Variants in OR3A2 observed in about 807,000 individuals in gnomAD.
OR3A2 encodes olfactory receptor family 3 subfamily A member 2.
For missense variants in OR3A2, 318 were observed against 392.8 expected, an observed-to-expected ratio of 0.81 and a Z score of 1.61; for synonymous variants, 126 against 159.3, an observed-to-expected ratio of 0.79 and a Z score of 1.57.
At chr17:3,339,756 G>C (rs1398795561) in intron 2 of OR3A2, among the ~76,000 whole-genome samples, 1 of 152,082 alleles carries the variant, frequency 6.6e-6, no homozygotes, top group Non-Finnish European at 1.5e-5. Flanking sequence ...GTCTCTACCA[G>C]GCTTTGGAAT....
chr17:3,366,617 CT>C (rs1326514746), intron 2 of OR3A2, among the ~76,000 whole-genome samples: 3 of 152,194 alleles, frequency 2.0e-5, no homozygotes, highest in African/African-American at 7.2e-5. Flanking sequence ...TACCTTACCC[CT>C]ATTATGGAGA....
chr17:3,320,732 G>C (rs374965128), intron 3 of OR3A2, among the ~76,000 whole-genome samples: 1 of 151,898 alleles, frequency 6.6e-6, no homozygotes, highest in East Asian at 1.9e-4. Flanking sequence ...TGTTCCATTG[G>C]TCTATATCTC....
intron 3 of OR3A2, among the ~76,000 whole-genome samples, chr17:3,332,994 A>G (rs556694959): frequency 1.3e-4 from 20 of 152,308 alleles, no homozygotes; most frequent in African/African-American, 4.3e-4. Context: ...AGACAACCAT[A>G]AGATCTGACT....
chr17:3,309,299 T>C (rs1023819056), intron 3 of OR3A2, among the ~76,000 whole-genome samples: 4 of 152,188 alleles, frequency 2.6e-5, no homozygotes, highest in Admixed American at 1.3e-4. Context: ...TAAAAGACTT[T>C]GGCCCTATCT....
intron 3 of OR3A2, among the ~76,000 whole-genome samples, chr17:3,301,241 GT>G (rs1355281756): frequency 6.6e-6 from 1 of 152,138 alleles, no homozygotes; most frequent in African/African-American, 2.4e-5. Context: ...GGTATTTCTG[GT>G]TCTAGTTCCG....
At chr17:3,287,744 A>C (rs1382324543), upstream of OR3A2, among the ~76,000 whole-genome samples, 1 of 152,130 alleles carries the variant, frequency 6.6e-6, no homozygotes, top group African/African-American at 2.4e-5. Context: ...CGAGGCTTGA[A>C]CTGCAAACTT....
chr17:3,343,798 C>A (rs922463992), intron 2 of OR3A2, among the ~76,000 whole-genome samples: 1 of 152,078 alleles, frequency 6.6e-6, no homozygotes, highest in Non-Finnish European at 1.5e-5. Context: ...TTCATCCAGC[C>A]TCCACCCCTC....
intron 3 of OR3A2, among the ~76,000 whole-genome samples, chr17:3,294,689 A>T (rs937051856): frequency 6.6e-6 from 1 of 152,150 alleles, no homozygotes; most frequent in African/African-American, 2.4e-5. Flanking sequence ...CAAAAAACAG[A>T]CAAACAAACA....
chr17:3,301,176 G>A (rs1329687844), intron 3 of OR3A2, among the ~76,000 whole-genome samples: 1 of 152,130 alleles, frequency 6.6e-6, no homozygotes, highest in African/African-American at 2.4e-5. Flanking sequence ...CTTTATAGCA[G>A]CATGATTTAT....
intron 3 of OR3A2, chr17:3,291,778 T>G: frequency 6.2e-7 from 1 of 1,613,748 alleles, no homozygotes; most frequent in East Asian, 2.2e-5. Context: ...TCTGAAAGCT[T>G]GGTTGAACCC....
chr17:3,347,530 T>C (rs1431625252), intron 2 of OR3A2, among the ~76,000 whole-genome samples: 1 of 152,212 alleles, frequency 6.6e-6, no homozygotes, highest in Non-Finnish European at 1.5e-5. Flanking sequence ...TTACTGAGAA[T>C]GATGGTTTCC....
At chr17:3,330,206 G>A in intron 3 of OR3A2, among the ~76,000 whole-genome samples, 1 of 151,620 alleles carries the variant, frequency 6.6e-6, no homozygotes, top group East Asian at 1.9e-4. Flanking sequence ...GGGGTGGAGA[G>A]TTCTGTAGAT....
intron 3 of OR3A2, among the ~76,000 whole-genome samples, chr17:3,307,317 A>G (rs1275418792): frequency 1.3e-5 from 2 of 152,218 alleles, no homozygotes; most frequent in Non-Finnish European, 2.9e-5. Context: ...AATGGGTTCT[A>G]TTTGAGCTCT....
intron 3 of OR3A2, among the ~76,000 whole-genome samples, chr17:3,303,709 C>A (rs1217659301): frequency 3.5e-5 from 5 of 143,554 alleles, no homozygotes; most frequent in African/African-American, 1.3e-4. Context: ...CACACCACTG[C>A]ACTCCAGCCT....
intron 2 of OR3A2, among the ~76,000 whole-genome samples, chr17:3,347,486 C>T (rs140008361): frequency 7.0e-4 from 107 of 152,182 alleles, no homozygotes; most frequent in African/African-American, 2.3e-3. Context: ...TGAGTGAGAA[C>T]ATGCGGTGTT....
intron 3 of OR3A2, among the ~76,000 whole-genome samples, chr17:3,322,493 T>C (rs1422155933): frequency 6.6e-6 from 1 of 152,200 alleles, no homozygotes; most frequent in East Asian, 1.9e-4. Flanking sequence ...TTTCCTGCTT[T>C]CTCTTGTGGG....
At chr17:3,286,223 T>C (rs991926643), upstream of OR3A2, among the ~76,000 whole-genome samples, 7 of 152,232 alleles carry the variant, frequency 4.6e-5, no homozygotes, top group Non-Finnish European at 8.8e-5. Context: ...GCTTCATCCA[T>C]GTCCCTGCAA....
chr17:3,298,608 ACT>A (rs1422746823), intron 3 of OR3A2, among the ~76,000 whole-genome samples: 2 of 152,034 alleles, frequency 1.3e-5, no homozygotes, highest in Non-Finnish European at 2.9e-5. Flanking sequence ...CTCGAACAAG[ACT>A]CTCTTTCTCT....
rs74716238 is a variant in OR3A2 at position 3,344,344 on chromosome 17, G to A, written c.-178-8218C>T. ...AGCAATTTAGACCTTCCTGCTTTGC[G>A]TGTCCTGTAAATATTCACCCTGCAT... On this transcript the variant is annotated intron_variant, in intron 2 of 4. Transcript: ENST00000573491. 3.2e-3 allele frequency among the ~76,000 whole-genome samples: 479 copies of A among 152,010 alleles called. 14 individuals carry two copies. The East Asian group carries it at 0.067, about 21-fold the overall frequency.
Sources: allele counts gnomAD v4.1 joint callset (sites outside exome capture counted in the v4.1 genomes callset), GRCh38; gene constraint gnomAD v4.1.1; transcripts MANE v1.5; gene names NCBI Gene and HGNC (gene_info 2026-07-23, HGNC 2026-07-21).